Variants in LCORL observed in about 807,000 individuals in gnomAD.
LCORL encodes ligand-dependent nuclear receptor corepressor-like protein.
A neutral mutation model predicts 141.8 loss-of-function variants in LCORL; 41 were observed. The ratio of observed to expected loss-of-function variants is 0.29; its 90% CI spans 0.23 to 0.38. LCORL has a LOEUF of 0.38. Ranked by LOEUF, LCORL falls within the 10% of genes least tolerant of loss-of-function variation. The pLI, the probability that LCORL is intolerant of heterozygous loss-of-function variation, is 1.00. For synonymous variants in LCORL, 618 were observed against 694.1 expected (o/e 0.89, Z 1.72); for missense variants, 1,759 against 2,035.0 (o/e 0.86, Z 2.61).
chr4:17,958,876 T>A (rs1560405208), intron 4 of LCORL, among the ~76,000 whole-genome samples: 1 of 151,990 alleles, frequency 6.6e-6, no homozygotes, highest in South Asian at 2.1e-4. Context: ...GAGATTTTCA[T>A]TCTACTCTAG....
At chr4:17,965,526 T>C (rs1714696616) in intron 2 of LCORL, among the ~76,000 whole-genome samples, 1 of 152,270 alleles carries the variant, frequency 6.6e-6, no homozygotes, top group South Asian at 2.1e-4. Flanking sequence ...AATAGCTTCA[T>C]TAGTAAAAGG....
intron 1 of LCORL, among the ~76,000 whole-genome samples, chr4:17,977,296 T>C (rs1717160585): frequency 6.6e-6 from 1 of 152,178 alleles, no homozygotes; most frequent in Admixed American, 6.5e-5. Context: ...AGGGTTACAT[T>C]TAGTTGTTTA....
At chr4:17,859,347 C>T (rs932380909) in intron 7 of LCORL, among the ~76,000 whole-genome samples, 18 of 152,092 alleles carry the variant, frequency 1.2e-4, no homozygotes, top group African/African-American at 4.1e-4. Flanking sequence ...GAAGCAGCCC[C>T]ATCATAAGTT....
At chr4:17,892,883 T>C (rs1729328490) in intron 5 of LCORL, among the ~76,000 whole-genome samples, 1 of 152,330 alleles carries the variant, frequency 6.6e-6, no homozygotes, top group South Asian at 2.1e-4. Context: ...CTATATTACA[T>C]TACCTTATTC....
At chr4:17,861,378 C>G (rs1724992748) in intron 7 of LCORL, among the ~76,000 whole-genome samples, 1 of 152,182 alleles carries the variant, frequency 6.6e-6, no homozygotes, top group Admixed American at 6.5e-5. Flanking sequence ...CCTGAGTGAG[C>G]CGTACCTCGG....
At chr4:17,993,942 G>C (rs1030528658) in intron 1 of LCORL, among the ~76,000 whole-genome samples, 2 of 152,184 alleles carry the variant, frequency 1.3e-5, no homozygotes, top group Non-Finnish European at 2.9e-5. Flanking sequence ...GTGGGAGTGA[G>C]AGAAGTTAAA....
intron 5 of LCORL, among the ~76,000 whole-genome samples, chr4:17,891,833 C>T (rs1199442673): frequency 1.3e-5 from 2 of 152,144 alleles, no homozygotes; most frequent in African/African-American, 4.8e-5. Flanking sequence ...CAATGGTGAT[C>T]TTTGGTTGAT....
intron 2 of LCORL, among the ~76,000 whole-genome samples, chr4:17,967,478 G>A (rs1000352841): frequency 3.9e-5 from 6 of 152,028 alleles, no homozygotes; most frequent in African/African-American, 1.5e-4. Flanking sequence ...TGAAGGCAGA[G>A]GAAAGAGAGT....
chr4:17,900,738 A>C lies in LCORL; in HGVS notation c.682+8356T>G, dbSNP rs1169243695. Among the ~76,000 whole-genome samples the C allele has an allele frequency of 2.6e-5, 4 of 152,228 alleles. No individual in the cohort carries two copies. The East Asian group carries it at 7.7e-4, about 29-fold the overall frequency. On this transcript the variant is annotated intron_variant, in intron 5 of 7. Transcript: ENST00000635767. ...TTCTGAATAAACTAATCATGATATT[A>C]CACAGAAACAAAGAGATGGAAAATG...
At position 17,880,463 on chromosome 4, in the gene LCORL, T is replaced by C. The variant is rs533769331; in HGVS notation, c.777-2250A>G. The C allele has an allele frequency of 9.6e-6, 9 of 933,476 alleles. No homozygotes were observed. The Admixed American group carries it at 1.9e-4, about 19-fold the overall frequency. 57.8% of individuals were successfully genotyped at this position (933,476 alleles called of 1,614,324 possible). On this transcript the variant is annotated intron_variant, in intron 6 of 7. Transcript: ENST00000635767. The stretch of plus-strand genomic sequence containing the variant: ...TGTTTGATTTATAAACCAAACATAC[T>C]GCCTATTTTTAGTATGTTACTATCC...
intron 4 of LCORL, among the ~76,000 whole-genome samples, chr4:17,913,820 G>A (rs1055546013): frequency 1.5e-4 from 23 of 152,054 alleles, no homozygotes; most frequent in African/African-American, 3.9e-4. Context: ...AGTTAATAAC[G>A]TAAAAAAAAT....
chr4:17,954,554 A>G (rs1176263833), intron 4 of LCORL, among the ~76,000 whole-genome samples: 1 of 149,810 alleles, frequency 6.7e-6, no homozygotes, highest in Non-Finnish European at 1.5e-5. Context: ...TAGAAACATC[A>G]TTTTTCTTTT....
intron 7 of LCORL, among the ~76,000 whole-genome samples, chr4:17,858,561 A>G (rs2109123207): frequency 6.6e-6 from 1 of 150,822 alleles, no homozygotes; most frequent in East Asian, 1.9e-4. Flanking sequence ...TCTTTACTAA[A>G]AAAAAAAAAA....
In LCORL at chr4:17,891,503, A is replaced by G. The variant is rs370371628; in HGVS notation, c.683-5342T>C. 1.1e-4 allele frequency among the ~76,000 whole-genome samples: 16 copies of G among 152,222 alleles called. No homozygotes were observed. In the East Asian group the frequency reaches 2.7e-3, roughly 26 times the overall value. On this transcript the variant is annotated intron_variant, in intron 5 of 7. Coordinates refer to ENST00000635767, the Ensembl canonical transcript of LCORL. ...GTAGATTGTACAATTTTTTAAAAACACTAAATATTTAAAAAATGGTTACAT... is the reference window on the plus strand; with the variant it reads ...GTAGATTGTACAATTTTTTAAAAACGCTAAATATTTAAAAAATGGTTACAT...
intron 1 of LCORL, among the ~76,000 whole-genome samples, chr4:18,004,118 T>G (rs1295248640): frequency 6.6e-6 from 1 of 152,218 alleles, no homozygotes; most frequent in African/African-American, 2.4e-5. Context: ...GGTGTACATA[T>G]CCTTGCAATG....
intron 1 of LCORL, among the ~76,000 whole-genome samples, chr4:17,996,869 G>A (rs1720999689): frequency 6.6e-6 from 1 of 152,014 alleles, no homozygotes; most frequent in Non-Finnish European, 1.5e-5. Context: ...AAAGGAAAAA[G>A]TCTATACTAA....
At chr4:17,950,344 A>C (rs1294593468) in intron 4 of LCORL, among the ~76,000 whole-genome samples, 1 of 152,182 alleles carries the variant, frequency 6.6e-6, no homozygotes, top group Non-Finnish European at 1.5e-5. Context: ...TTTCTGGTTA[A>C]CATTATTTCT....
intron 4 of LCORL, among the ~76,000 whole-genome samples, chr4:17,931,952 G>T (rs557943990): frequency 1.3e-5 from 2 of 152,072 alleles, no homozygotes; most frequent in Non-Finnish European, 2.9e-5. Flanking sequence ...TTAGGAGGAT[G>T]GTTGCTAATG....
At chr4:17,996,088 CA>C (rs1327789810) in intron 1 of LCORL, among the ~76,000 whole-genome samples, 1 of 152,034 alleles carries the variant, frequency 6.6e-6, no homozygotes, top group Non-Finnish European at 1.5e-5. Flanking sequence ...TAGATGCTGT[CA>C]GAAACTAGAA....
Sources: gnomAD v4.1 joint callset for allele counts (sites outside exome capture counted in the v4.1 genomes callset) on GRCh38, gnomAD v4.1.1 for gene constraint, MANE v1.5 for transcripts, NCBI Gene and HGNC (gene_info 2026-07-23, HGNC 2026-07-21) for gene names.